KIF16B: variants seen among roughly 807,000 people sequenced by gnomAD.
KIF16B encodes the protein kinesin family member 16B.
In KIF16B, 98 loss-of-function variants were observed where a neutral mutation model predicts 156.3. The observed-to-expected ratio is 0.63, with a 90% CI of 0.53 to 0.74. The LOEUF (loss-of-function observed/expected upper bound fraction) is 0.74, where lower values mean the gene tolerates loss of function less well. Among genes scored for constraint, KIF16B ranks in the 30% least tolerant of loss-of-function variants. The pLI is 0.00. For synonymous variants in KIF16B, 564 were observed against 583.7 expected (o/e 0.97, Z 0.49); for missense variants, 1,421 against 1,606.5 (o/e 0.88, Z 1.97).
chr20:16,416,707 A>G (rs1290685251), intron 15 of KIF16B, among the ~76,000 whole-genome samples: 1 of 150,674 alleles, frequency 6.6e-6, no homozygotes, highest in Non-Finnish European at 1.5e-5. Flanking sequence ...CACATCCTGC[A>G]TATGTACCCC....
Position 16,515,717 on chromosome 20 carries a change from T to C in KIF16B, c.232-53A>G, listed in dbSNP as rs6044046. 13 of 980,396 alleles carry C rather than the reference T, an allele frequency of 1.3e-5. 1 individual carries two copies. The highest frequency in any genetic ancestry group is 1.2e-4 in the South Asian group (9 of 75,858). 60.7% of individuals were successfully genotyped at this position (980,396 alleles called of 1,614,324 possible). On this transcript the variant is annotated intron_variant, in intron 3 of 25. Transcript: ENST00000354981. ...ATACAATTATCATAGATTTTAATAA[T>C]AGCCCCTTCAGTGTTGACAATGTTC...
intron 25 of KIF16B, 59 bp from the exon 26 acceptor site, chr20:16,273,470 C>A: frequency 6.8e-7 from 1 of 1,465,264 alleles, no homozygotes; most frequent in Non-Finnish European, 9.5e-7. Flanking sequence ...CGGGTGGGAT[C>A]GCTTGAGCTC....
Position 16,573,373 on chromosome 20 carries a change from C to T in KIF16B, c.-98G>A. On this transcript the variant is annotated 5_prime_UTR_variant, in exon 1 of 26. Transcript: ENST00000354981. ...TCAGATCGCGGCTCCCGCCCACTTC[C>T]CTCTCGCCCCCGCCCCTCTGCTCCC... is the stretch of plus-strand genomic sequence containing the variant. 1 of 1,301,402 alleles carries T rather than the reference C, an allele frequency of 7.7e-7. No homozygotes were observed. 80.6% of individuals were successfully genotyped at this position (1,301,402 alleles called of 1,614,324 possible).
intron 12 of KIF16B, among the ~76,000 whole-genome samples, chr20:16,448,249 A>C (rs1467904856): frequency 6.6e-6 from 1 of 152,234 alleles, no homozygotes; most frequent in Non-Finnish European, 1.5e-5. Context: ...GGGCGGAAAG[A>C]AAGCTGTGCA....
At position 16,536,055 on chromosome 20, in the gene KIF16B, C is replaced by T. The variant is rs112984349; in HGVS notation, c.48-7615G>A. 6.1e-3 allele frequency among the ~76,000 whole-genome samples: 931 copies of T among 152,268 alleles called. 12 individuals are homozygous for T. The highest frequency in any genetic ancestry group is 0.021 in the African/African-American group (876 of 41,550). The stretch of plus-strand genomic sequence containing the variant: ...CTGCACTCCCATGTTTATTGAAGCA[C>T]TATTCACAATAGCAAAGATATTATC... On this transcript the variant is annotated intron_variant, in intron 1 of 25. Coordinates refer to ENST00000354981, the MANE Select transcript of KIF16B (RefSeq NM_024704.5).
At chr20:16,323,836 G>C (rs1332623479) in intron 24 of KIF16B, among the ~76,000 whole-genome samples, 1 of 151,404 alleles carries the variant, frequency 6.6e-6, no homozygotes, top group East Asian at 1.9e-4. Flanking sequence ...TCACCAAAAA[G>C]CTAAAACTTA....
In KIF16B at chr20:16,285,389, C is replaced by T. The variant is rs561861858; in HGVS notation, c.3796-11978G>A. Among the ~76,000 whole-genome samples, 8 of 152,338 alleles carry T rather than the reference C, an allele frequency of 5.3e-5. No homozygotes were observed. In the South Asian group the frequency reaches 8.3e-4, roughly 16 times the overall value. On this transcript the variant is annotated intron_variant, in intron 25 of 25. Transcript: ENST00000354981. ...TTGTACATGCATGTGTACATGTCTT[C>T]GCTACAATGAAAAGGATTCCTTCCA...
At chr20:16,304,450 G>T (rs752434632) in intron 25 of KIF16B, among the ~76,000 whole-genome samples, 4 of 152,124 alleles carry the variant, frequency 2.6e-5, no homozygotes, top group Non-Finnish European at 4.4e-5. Context: ...CAGTTTCCTT[G>T]AATACTCCAA....
chr20:16,464,107 T>C (rs2146698458), intron 12 of KIF16B, among the ~76,000 whole-genome samples: 1 of 152,256 alleles, frequency 6.6e-6, no homozygotes, highest in Admixed American at 6.5e-5. Context: ...GTCTAATAAT[T>C]AGTTATCAAA....
intron 22 of KIF16B, among the ~76,000 whole-genome samples, chr20:16,363,321 T>C (rs901069539): frequency 3.3e-5 from 5 of 152,164 alleles, no homozygotes; most frequent in South Asian, 4.1e-4. Flanking sequence ...AGCCCATCCA[T>C]GGAGGTACTC....
At chr20:16,367,264 A>T (rs1181875916) in intron 22 of KIF16B, 1 of 1,612,854 alleles carries the variant, frequency 6.2e-7, no homozygotes, top group Non-Finnish European at 8.5e-7. Flanking sequence ...GGTGGTGAAC[A>T]ACTGGACATT....
intron 23 of KIF16B, among the ~76,000 whole-genome samples, chr20:16,354,782 T>G (rs1159774256): frequency 1.3e-5 from 2 of 152,064 alleles, no homozygotes; most frequent in African/African-American, 4.8e-5. Flanking sequence ...CTGTCTCTAC[T>G]AAAAACACAA....
At chr20:16,356,724 T>A (rs1317372777) in intron 22 of KIF16B, among the ~76,000 whole-genome samples, 1 of 152,176 alleles carries the variant, frequency 6.6e-6, no homozygotes, top group Non-Finnish European at 1.5e-5. Flanking sequence ...TTCCAATTTA[T>A]AAGAACAAGT....
chr20:16,364,364 G>A (rs2064613715), intron 22 of KIF16B, among the ~76,000 whole-genome samples: 1 of 152,160 alleles, frequency 6.6e-6, no homozygotes, highest in African/African-American at 2.4e-5. Flanking sequence ...AAATGTTTAT[G>A]CCTATATTAT....
intron 12 of KIF16B, among the ~76,000 whole-genome samples, chr20:16,477,251 G>A (rs6043994): frequency 0.37 from 54,230 of 145,000 alleles, 11,634 homozygotes; most frequent in African/African-American, 0.59. Context: ...AGTTTAGCCT[G>A]GATTCCTTCC....
intron 17 of KIF16B, among the ~76,000 whole-genome samples, chr20:16,403,745 G>A (rs1422474594): frequency 2.0e-5 from 3 of 152,200 alleles, no homozygotes; most frequent in African/African-American, 4.8e-5. Flanking sequence ...CTATGACACT[G>A]AAGAAATTCC....
chr20:16,458,156 T>C (rs1009218183), intron 12 of KIF16B, among the ~76,000 whole-genome samples: 1 of 152,224 alleles, frequency 6.6e-6, no homozygotes, highest in African/African-American at 2.4e-5. Context: ...AAGGCACTGA[T>C]GGCTGCTGAA....
At chr20:16,467,130 T>A (rs992803810) in intron 12 of KIF16B, among the ~76,000 whole-genome samples, 1 of 152,206 alleles carries the variant, frequency 6.6e-6, no homozygotes, top group African/African-American at 2.4e-5. Context: ...CCAACCTACC[T>A]GGGGTAAAGA....
chr20:16,317,242 A>T (rs1022477114), intron 24 of KIF16B, among the ~76,000 whole-genome samples: 2 of 152,228 alleles, frequency 1.3e-5, no homozygotes, highest in African/African-American at 2.4e-5. Context: ...GGAACAGTGA[A>T]TGACAATCTG....
Sources: gnomAD v4.1 joint callset for allele counts (sites outside exome capture counted in the v4.1 genomes callset) on GRCh38, gnomAD v4.1.1 for gene constraint, MANE v1.5 for transcripts, NCBI Gene and HGNC (gene_info 2026-07-23, HGNC 2026-07-21) for gene names.